HEMK2: variants seen among roughly 807,000 people sequenced by gnomAD.
The protein encoded by HEMK2 is HemK methyltransferase 2, ETF1 glutamine and histone H4 lysine.
the HEMK2 span, among the ~76,000 whole-genome samples, chr21:28,812,135 G>T: frequency 6.6e-6 from 1 of 152,308 alleles, no homozygotes; most frequent in East Asian, 1.9e-4. Flanking sequence ...AGTATTTGTG[G>T]TCTAGCCAGA....
the HEMK2 span, among the ~76,000 whole-genome samples, chr21:28,664,532 T>C: frequency 3.3e-5 from 5 of 152,296 alleles, no homozygotes; most frequent in East Asian, 7.7e-4. Context: ...TACTACAGTT[T>C]ATTCTTATAA....
the HEMK2 span, among the ~76,000 whole-genome samples, chr21:28,688,260 C>CA: frequency 2.0e-5 from 3 of 152,148 alleles, no homozygotes; most frequent in Non-Finnish European, 4.4e-5. Context: ...TGAAATTCTT[C>CA]AAAATAATTT....
At chr21:28,624,586 A>G in the HEMK2 span, among the ~76,000 whole-genome samples, 1 of 152,194 alleles carries the variant, frequency 6.6e-6, no homozygotes, top group African/African-American at 2.4e-5. Flanking sequence ...TCACTGTCCT[A>G]AGACAATAGT....
the HEMK2 span, among the ~76,000 whole-genome samples, chr21:28,841,210 TATTATATATATTA>T: frequency 0.027 from 410 of 15,190 alleles, 95 homozygotes; most frequent in East Asian, 0.14. Context: ...TTATATAATA[TATTATATATATTA>T]TATATTATAT....
At chr21:28,670,946 T>C in the HEMK2 span, 1 of 152,302 alleles carries the variant, frequency 6.6e-6, no homozygotes, top group East Asian at 1.9e-4. Flanking sequence ...CACATGGGGA[T>C]TATGGGGATT....
the HEMK2 span, among the ~76,000 whole-genome samples, chr21:28,823,087 T>G: frequency 6.6e-6 from 1 of 152,332 alleles, no homozygotes; most frequent in South Asian, 2.1e-4. Flanking sequence ...CTATCAAGCT[T>G]GACAAATGCA....
chr21:28,877,202 G>C, the HEMK2 span, among the ~76,000 whole-genome samples: 5 of 133,582 alleles, frequency 3.7e-5, no homozygotes, highest in African/African-American at 1.4e-4. Flanking sequence ...AAGGAAGGGA[G>C]GGAAGGGAGA....
the HEMK2 span, among the ~76,000 whole-genome samples, chr21:28,637,040 A>C: frequency 6.6e-6 from 1 of 152,202 alleles, no homozygotes; most frequent in Non-Finnish European, 1.5e-5. Context: ...CAGGTAGTTC[A>C]GTTTGATTTG....
chr21:28,716,402 A>G, the HEMK2 span, among the ~76,000 whole-genome samples: 1 of 151,926 alleles, frequency 6.6e-6, no homozygotes, highest in African/African-American at 2.4e-5. Context: ...GCTATTGTAA[A>G]TGGAATTGTG....
the HEMK2 span, among the ~76,000 whole-genome samples, chr21:28,633,187 C>CCTTTCAG: frequency 6.6e-6 from 1 of 152,166 alleles, no homozygotes. Flanking sequence ...AACCTGTGTA[C>CCTTTCAG]TGAAAGGGCA....
At chr21:28,732,971 C>T in the HEMK2 span, among the ~76,000 whole-genome samples, 1 of 152,104 alleles carries the variant, frequency 6.6e-6, no homozygotes, top group Admixed American at 6.6e-5. Context: ...CTACTCATCA[C>T]GTCTCCCAAA....
chr21:28,798,717 AG>A, the HEMK2 span, among the ~76,000 whole-genome samples: 1 of 152,144 alleles, frequency 6.6e-6, no homozygotes, highest in Non-Finnish European at 1.5e-5. Flanking sequence ...GTGTCATAGT[AG>A]GAATTGTGCC....
At chr21:28,612,040 T>C in the HEMK2 span, among the ~76,000 whole-genome samples, 3 of 151,154 alleles carry the variant, frequency 2.0e-5, no homozygotes. Context: ...TTCCAAAAGA[T>C]AGTGATAGAG....
chr21:28,859,416 A>T, the HEMK2 span, among the ~76,000 whole-genome samples: 6 of 152,166 alleles, frequency 3.9e-5, no homozygotes, highest in Non-Finnish European at 5.9e-5. Context: ...CATCCAGTTT[A>T]CCAATTCAGA....
chr21:28,783,582 T>C, the HEMK2 span, among the ~76,000 whole-genome samples: 1 of 152,200 alleles, frequency 6.6e-6, no homozygotes, highest in African/African-American at 2.4e-5. Flanking sequence ...TGGCATCGTA[T>C]TGAGAGGTGA....
the HEMK2 span, among the ~76,000 whole-genome samples, chr21:28,752,024 T>G: frequency 6.6e-6 from 1 of 152,184 alleles, no homozygotes; most frequent in Non-Finnish European, 1.5e-5. Flanking sequence ...AAAGAATAAA[T>G]TGAACAGAAC....
the HEMK2 span, among the ~76,000 whole-genome samples, chr21:28,738,460 A>C: frequency 6.6e-6 from 1 of 152,194 alleles, no homozygotes; most frequent in Non-Finnish European, 1.5e-5. Context: ...GAAGGGGGAA[A>C]GGGTGCTGAT....
the HEMK2 span, among the ~76,000 whole-genome samples, chr21:28,693,528 C>T: frequency 2.0e-5 from 3 of 152,190 alleles, no homozygotes; most frequent in Non-Finnish European, 4.4e-5. Flanking sequence ...TATTTCTTAA[C>T]CAAAATCTCT....
At chr21:28,798,397 A>G in the HEMK2 span, among the ~76,000 whole-genome samples, 7 of 152,220 alleles carry the variant, frequency 4.6e-5, no homozygotes, top group Non-Finnish European at 1.0e-4. Context: ...CAAAATGAGC[A>G]TATAGGCATA....
Sources: gnomAD v4.1 joint callset for allele counts (sites outside exome capture counted in the v4.1 genomes callset) on GRCh38, gnomAD v4.1.1 for gene constraint, MANE v1.5 for transcripts, NCBI Gene and HGNC (gene_info 2026-07-23, HGNC 2026-07-21) for gene names.